GRM4: variants seen among roughly 807,000 people sequenced by gnomAD.
GRM4 encodes the protein glutamate metabotropic receptor 4.
A neutral mutation model predicts 81.7 loss-of-function variants in GRM4; 28 were observed. The ratio of observed to expected loss-of-function variants is 0.34; its 90% CI spans 0.25 to 0.47. The LOEUF (loss-of-function observed/expected upper bound fraction) is 0.47. Among genes scored for constraint, GRM4 ranks in the 20% least tolerant of loss-of-function variants. The pLI is 1.00. For synonymous variants in GRM4, 488 were observed against 528.8 expected (o/e 0.92, Z 1.06); for missense variants, 948 against 1,290.0 (o/e 0.73, Z 4.06).
intron 1 of GRM4, among the ~76,000 whole-genome samples, chr6:34,142,646 C>T (rs1407525973): frequency 2.0e-5 from 3 of 152,216 alleles, no homozygotes; most frequent in South Asian, 2.1e-4. Context: ...GGCCTGAACC[C>T]GGCCCCCTGA....
chr6:34,110,692 C>T (rs1769338742), intron 2 of GRM4: 7 of 1,518,490 alleles, frequency 4.6e-6, no homozygotes, highest in Non-Finnish European at 6.2e-6. Flanking sequence ...GAGCGTGTGT[C>T]TGCCTCAGCC....
In GRM4 at chr6:34,048,704, G is replaced by A. The variant is rs1410125614; in HGVS notation, c.1168+7840C>T. 6.6e-6 allele frequency among the ~76,000 whole-genome samples: 1 copy of A among 152,142 alleles called. No homozygotes were observed. Among genetic ancestry groups the A allele is most frequent in the Non-Finnish European group, 1.5e-5 (1 of 68,026 alleles). On this transcript the variant is annotated intron_variant, in intron 6 of 10. Transcript: ENST00000538487. This position sits in a 1 kb window ranked among gnomAD's most constrained non-coding sequence, Gnocchi z 4.0. ...GGTGGGAGGTGATTGGATCATGGGG[G>A]TGGATTTCCCCCATGCTGTTTTCAT...
rs973227923 is a variant in GRM4 at position 34,070,153 on chromosome 6, G to A, written c.737-8125C>T. On this transcript the variant is annotated intron_variant, in intron 3 of 10. Coordinates refer to ENST00000538487, the MANE Select transcript of GRM4 (RefSeq NM_000841.4). The surrounding 1 kb of genome is among the most constrained non-coding windows in gnomAD (Gnocchi z 4.6). ...CCTGCTCACACGCTCCCATCCCCTC[G>A]GTGACCTCCCCTCTGAGCTGCCACC... Among the ~76,000 whole-genome samples, 3 of 151,998 alleles carry A rather than the reference G, an allele frequency of 2.0e-5. No individual in the cohort carries two copies. The highest frequency in any genetic ancestry group is 2.1e-4 in the South Asian group (1 of 4,810).
chr6:34,035,312 A>AG lies in GRM4; in HGVS notation c.2442+355dup, dbSNP rs113135129. On this transcript the variant is annotated intron_variant, in intron 9 of 10. Transcript: ENST00000538487. The surrounding 1 kb of genome is among the most constrained non-coding windows in gnomAD (Gnocchi z 6.6). ...TGGAGAGACAGGGAGAAAGAGGAGGAGGGGGAAGGAGAACAGGGGGAGGAT... is the reference window on the plus strand; with the variant it reads ...TGGAGAGACAGGGAGAAAGAGGAGGAGGGGGGAAGGAGAACAGGGGGAGGAT... Among the ~76,000 whole-genome samples the AG allele has an allele frequency of 0.13, 14,570 of 109,392 alleles. 1,890 individuals carry two copies. The highest frequency in any genetic ancestry group is 0.36 in the African/African-American group (10,801 of 30,030). 71.8% of individuals were successfully genotyped at this position (109,392 alleles called of 152,430 possible). A position where few individuals can be genotyped will look rare whatever the true frequency, so the allele number is the denominator to read the frequency against.
chr6:34,123,016 A>AG (rs973565632), intron 2 of GRM4, among the ~76,000 whole-genome samples: 2 of 152,018 alleles, frequency 1.3e-5, no homozygotes, highest in African/African-American at 4.8e-5. Flanking sequence ...TGACGGGGTG[A>AG]GGGGGAGCAG....
chr6:34,102,029 C>G (rs1768866946), intron 2 of GRM4: 1 of 1,535,558 alleles, frequency 6.5e-7, no homozygotes, highest in African/African-American at 1.4e-5. Context: ...TACCTGTCCT[C>G]CACCCCCAAA....
Position 34,080,037 on chromosome 6 carries a change from C to T in GRM4, c.736+11846G>A, listed in dbSNP as rs181008433. Reference sequence around the variant, plus strand: ...CCCATGCAATTTGCCCTCCTCCGGCCGTATGTCTCCCTGCCTCACTCATTC... The same window carrying T: ...CCCATGCAATTTGCCCTCCTCCGGCTGTATGTCTCCCTGCCTCACTCATTC... On this transcript the variant is annotated intron_variant, in intron 3 of 10. Transcript: ENST00000538487. This position sits in a 1 kb window ranked among gnomAD's most constrained non-coding sequence, Gnocchi z 5.4. Among the ~76,000 whole-genome samples, 39 of 152,342 alleles carry T rather than the reference C, an allele frequency of 2.6e-4. No individual in the cohort carries two copies. The highest frequency in any genetic ancestry group is 8.2e-4 in the African/African-American group (34 of 41,588).
intron 1 of GRM4, among the ~76,000 whole-genome samples, chr6:34,144,098 A>G (rs1464958202): frequency 6.6e-6 from 1 of 152,214 alleles, no homozygotes; most frequent in Non-Finnish European, 1.5e-5. Flanking sequence ...CTCCTCCGAC[A>G]GGGACTGAAA....
intron 6 of GRM4, 96 bp downstream of exon 6, chr6:34,056,448 A>C: frequency 1.7e-6 from 2 of 1,158,044 alleles, no homozygotes; most frequent in African/African-American, 3.1e-5. Context: ...CCGGCCGACG[A>C]CAGACAAAGG....
At chr6:34,099,649 G>A (rs1768727404) in intron 2 of GRM4, among the ~76,000 whole-genome samples, 1 of 152,160 alleles carries the variant, frequency 6.6e-6, no homozygotes, top group Non-Finnish European at 1.5e-5. Context: ...GAAGGTTAGA[G>A]TGACCCAGAC....
rs1221957651 is a variant in GRM4 at position 34,092,869 on chromosome 6, C to T, written c.520-770G>A. Among the ~76,000 whole-genome samples, 2 of 152,124 alleles carry T rather than the reference C, an allele frequency of 1.3e-5. No individual in the cohort carries two copies. The highest frequency in any genetic ancestry group is 6.5e-5 in the Admixed American group (1 of 15,278). On this transcript the variant is annotated intron_variant, in intron 2 of 10. Transcript: ENST00000538487. The surrounding 1 kb of genome is among the most constrained non-coding windows in gnomAD (Gnocchi z 6.8). ...CCCCAGGCAGGAATGAGACTCAGAC[C>T]CCCTGCCTCCTGTAGATACACCCAA... is the stretch of plus-strand genomic sequence containing the variant.
At position 34,019,778 on chromosome 6, in the gene GRM4, T is replaced by G. The variant is rs937959895; in HGVS notation, c.*3043A>C. On this transcript the variant is annotated 3_prime_UTR_variant, in exon 11 of 11. Coordinates refer to ENST00000538487, the MANE Select transcript of GRM4 (RefSeq NM_000841.4). ...AACATTCTGAAGATACTTAGCAGCT[T>G]TCTCCAGTCATTAATAATTGAGGAT... is the stretch of plus-strand genomic sequence containing the variant. 3 of 152,166 alleles carry G rather than the reference T, an allele frequency of 2.0e-5. No homozygotes were observed. The highest frequency in any genetic ancestry group is 7.2e-5 in the African/African-American group (3 of 41,430). 9.4% of individuals were successfully genotyped at this position (152,166 alleles called of 1,614,324 possible). A position where few individuals can be genotyped will look rare whatever the true frequency, so the allele number is the denominator to read the frequency against.
rs1046795944 is a variant in GRM4 at position 34,070,124 on chromosome 6, C to T, written c.737-8096G>A. ...TCTGTAGGAGTTGGAGGTGAACACT[C>T]GCACCTGCTCACACGCTCCCATCCC... is the stretch of plus-strand genomic sequence containing the variant. On this transcript the variant is annotated intron_variant, in intron 3 of 10. Coordinates refer to ENST00000538487, the MANE Select transcript of GRM4 (RefSeq NM_000841.4). The surrounding 1 kb of genome is among the most constrained non-coding windows in gnomAD (Gnocchi z 4.6). Among the ~76,000 whole-genome samples, 2 of 152,232 alleles carry T rather than the reference C, an allele frequency of 1.3e-5. No individual in the cohort carries two copies. Among genetic ancestry groups the T allele is most frequent in the African/African-American group, 4.8e-5 (2 of 41,540 alleles).
Position 34,133,410 on chromosome 6 carries a change from G to C in GRM4, c.87C>G (p.Ser29=). The C allele has an allele frequency of 1.2e-6, 2 of 1,613,362 alleles. No homozygotes were observed. The highest frequency in any genetic ancestry group is 1.7e-6 in the Non-Finnish European group (2 of 1,179,838). Residue 29 remains serine, a synonymous_variant, in exon 2 of 11, where the codon TCC becomes TCG. Coordinates refer to ENST00000538487, the MANE Select transcript of GRM4 (RefSeq NM_000841.4). This position sits in a 1 kb window ranked among gnomAD's most constrained non-coding sequence, Gnocchi z 6.5. ...GGTGGCCTTTGGGCTTTCCCAGGGA[G>C]GAAGGCATCCAGGGGCCGTAAAGGC... ...LLSLYGPWMP[S]SLGKPKGHPH...
At chr6:34,125,528 G>A (rs768981932) in intron 2 of GRM4, among the ~76,000 whole-genome samples, 2 of 152,204 alleles carry the variant, frequency 1.3e-5, no homozygotes, top group Admixed American at 6.5e-5. Context: ...AATGCTCCCC[G>A]AACTCCCCCA....
chr6:34,106,552 C>A (rs1168651365), intron 2 of GRM4, among the ~76,000 whole-genome samples: 2 of 152,222 alleles, frequency 1.3e-5, no homozygotes, highest in African/African-American at 2.4e-5. Flanking sequence ...CACCCTCCCC[C>A]TCACTCACCC....
chr6:34,071,303 CCA>C (rs1428512118), intron 3 of GRM4, among the ~76,000 whole-genome samples: 8 of 143,324 alleles, frequency 5.6e-5, no homozygotes, highest in African/African-American at 2.1e-4. Flanking sequence ...ACACACATCA[CCA>C]CAGAGATACA....
At chr6:34,084,637 AC>A in intron 3 of GRM4, among the ~76,000 whole-genome samples, 2 of 152,226 alleles carry the variant, frequency 1.3e-5, no homozygotes, top group South Asian at 4.1e-4. Context: ...AAGTGCCAAA[AC>A]ATTTCAACAT....
intron 9 of GRM4, among the ~76,000 whole-genome samples, chr6:34,029,154 C>G (rs528902616): frequency 6.6e-6 from 1 of 152,198 alleles, no homozygotes; most frequent in South Asian, 2.1e-4. Context: ...AGGCCTCAGC[C>G]GCCCCTCTGA....
Sources: allele counts gnomAD v4.1 joint callset (sites outside exome capture counted in the v4.1 genomes callset), GRCh38; gene constraint gnomAD v4.1.1; non-coding constraint Gnocchi (gnomAD v3.1); transcripts MANE v1.5; gene names NCBI Gene and HGNC (gene_info 2026-07-23, HGNC 2026-07-21).